The following NARS1 variants were observed in gnomAD, a reference collection of about 807,000 sequenced individuals.
NARS1 encodes the protein asparaginyl-tRNA synthetase 1.
In NARS1, 65 loss-of-function variants were observed where a neutral mutation model predicts 79.2. The observed-to-expected ratio is 0.82, with a 90% CI of 0.67 to 1.01. The LOEUF (loss-of-function observed/expected upper bound fraction) is 1.01. Among genes scored for constraint, NARS1 ranks in the 50% least tolerant of loss-of-function variants. The pLI, the probability that NARS1 is intolerant of heterozygous loss-of-function variation, is 0.00. For synonymous variants in NARS1, 229 were observed against 238.8 expected (o/e 0.96, Z 0.38); for missense variants, 649 against 673.8 (o/e 0.96, Z 0.41).
At chr18:57,604,570 G>A (rs996939507) in intron 11 of NARS1, among the ~76,000 whole-genome samples, 1 of 152,166 alleles carries the variant, frequency 6.6e-6, no homozygotes, top group Non-Finnish European at 1.5e-5. Flanking sequence ...ATGGTTAAAT[G>A]CACAGGAAAG....
Position 57,611,935 on chromosome 18 carries a change from T to C in NARS1, c.422-228A>G, listed in dbSNP as rs573869952. 2.6e-5 allele frequency among the ~76,000 whole-genome samples: 4 copies of C among 151,550 alleles called. No individual in the cohort carries two copies. The South Asian group carries it at 8.4e-4, about 32-fold the overall frequency. Reference sequence around the variant, plus strand: ...ATGCCACCACACCTGGCTAATTATTTTGTAGTGACAAGGGTCTCACTGAGT... The same window carrying C: ...ATGCCACCACACCTGGCTAATTATTCTGTAGTGACAAGGGTCTCACTGAGT... On this transcript the variant is annotated intron_variant, in intron 5 of 13. Coordinates refer to ENST00000256854, the MANE Select transcript of NARS1 (RefSeq NM_004539.4).
intron 2 of NARS1, among the ~76,000 whole-genome samples, chr18:57,619,266 ATTTTTTTTTTT>A (rs57667136): frequency 8.1e-6 from 1 of 123,756 alleles, no homozygotes; most frequent in Non-Finnish European, 1.7e-5. Flanking sequence ...TGCCTGGCTA[ATTTTTTTTTTT>A]TTTTTTTTTT....
At chr18:57,613,508 G>A (rs1243879740) in intron 5 of NARS1, 94 bp downstream of exon 5, 3 of 1,113,380 alleles carry the variant, frequency 2.7e-6, no homozygotes, top group Non-Finnish European at 3.9e-6. Context: ...AAAAGGGGGA[G>A]AGAAAAAAAC....
rs752244684 is a variant in NARS1, at chr18:57,615,854, C to T, written c.215G>A (p.Arg72Lys). The T allele has an allele frequency of 6.2e-7, 1 of 1,613,480 alleles. No homozygotes were observed. The change falls in exon 3 of 14, where the codon AGG becomes AAG. Residue 72 changes from arginine to lysine, a missense_variant. Arg to Lys is a conservative substitution (Grantham distance 26). Transcript: ENST00000256854. ...QLKNIKKMWH[R>K]EQMKSESREK... The stretch of plus-strand genomic sequence containing the variant: ...CCGGGATTCACTCTTCATTTGTTCC[C>T]TATGCCACATCTTTTTAATGTTCTT...
chr18:57,612,787 A>G (rs573934964), intron 5 of NARS1, among the ~76,000 whole-genome samples: 5 of 152,286 alleles, frequency 3.3e-5, no homozygotes, highest in Non-Finnish European at 5.9e-5. Flanking sequence ...AAATAGTAAA[A>G]GTGACATGTT....
At chr18:57,609,240 T>C in intron 7 of NARS1, 117 bp downstream of exon 7, 1 of 759,732 alleles carries the variant, frequency 1.3e-6, no homozygotes, top group Non-Finnish European at 2.2e-6. Context: ...TCTATCCTAC[T>C]AGTTCTGTCC....
At chr18:57,607,393 C>T (rs2051567417) in intron 8 of NARS1, 51 bp downstream of exon 8, 1 of 1,611,392 alleles carries the variant, frequency 6.2e-7, no homozygotes, top group Non-Finnish European at 8.5e-7. Flanking sequence ...ATTCAAGTTT[C>T]AAAACGGCAA....
Position 57,605,970 on chromosome 18 carries a change from T to C in NARS1, c.1138A>G (p.Asn380Asp). 9 of 1,601,068 alleles carry C rather than the reference T, an allele frequency of 5.6e-6. No individual in the cohort carries two copies. The highest frequency in any genetic ancestry group is 6.8e-6 in the Non-Finnish European group (8 of 1,169,922). ...AGSIVHELNPNFQPPKRPFKR... is the reference protein window; with the variant it reads ...AGSIVHELNPDFQPPKRPFKR... Reference sequence around the variant, plus strand: ...AAAGGCCGTTTGGGGGGCTGAAAGTTCTACAGAAGAAAGGAAAAATATAAT... The same window carrying C: ...AAAGGCCGTTTGGGGGGCTGAAAGTCCTACAGAAGAAAGGAAAAATATAAT... Residue 380 changes from asparagine (N) to aspartate (D), a missense_variant and splice_region_variant, in exon 11 of 14, where the codon AAC (asparagine) becomes GAC (aspartate). Asn to Asp is a conservative substitution (Grantham distance 23). Coordinates refer to ENST00000256854, the MANE Select transcript of NARS1 (RefSeq NM_004539.4).
At chr18:57,601,982 T>C (rs1049860886) in intron 13 of NARS1, among the ~76,000 whole-genome samples, 199 bp from the exon 14 acceptor site, 1 of 152,040 alleles carries the variant, frequency 6.6e-6, no homozygotes, top group Non-Finnish European at 1.5e-5. Context: ...AAGAAATAAT[T>C]TGGTATGAAA....
In NARS1 at chr18:57,621,802, C is replaced by A. The variant is rs867578799; in HGVS notation, c.-85G>T. 1.2e-3 allele frequency: 1,905 copies of A among 1,604,726 alleles called. 29 individuals carry two copies. Among genetic ancestry groups the A allele is most frequent in the Middle Eastern group, 6.3e-3 (38 of 6,054 alleles). On this transcript the variant is annotated 5_prime_UTR_variant, in exon 1 of 14. It introduces an in-frame stop codon into an upstream open reading frame of the 5' UTR. Transcript: ENST00000256854. ...GACTCCAACGTGCACCGGCGGTTTC[C>A]GCGATTCCGGCGTTGCATCAGAGAG...
At chr18:57,605,065 C>T (rs1217584961) in intron 11 of NARS1, among the ~76,000 whole-genome samples, 1 of 147,948 alleles carries the variant, frequency 6.8e-6, no homozygotes, top group Non-Finnish European at 1.5e-5. Flanking sequence ...AGTTTTAAAT[C>T]ACTGTTTTGG....
intron 2 of NARS1, among the ~76,000 whole-genome samples, chr18:57,619,589 A>C (rs1371688479): frequency 6.6e-6 from 1 of 152,128 alleles, no homozygotes; most frequent in Non-Finnish European, 1.5e-5. Context: ...AATGGATTCT[A>C]GCATATGAGT....
intron 4 of NARS1, among the ~76,000 whole-genome samples, chr18:57,614,545 C>T: frequency 6.6e-6 from 1 of 152,082 alleles, no homozygotes; most frequent in Admixed American, 6.6e-5. Context: ...TACTGGAAAT[C>T]AAACCATTTT....
intron 2 of NARS1, among the ~76,000 whole-genome samples, chr18:57,616,876 C>T (rs371775403): frequency 2.8e-3 from 388 of 140,184 alleles, no homozygotes; most frequent in African/African-American, 0.01. Context: ...GTGGCGGGCG[C>T]CTGTAGAGCT....
intron 11 of NARS1, among the ~76,000 whole-genome samples, chr18:57,605,132 A>AT (rs1258943112): frequency 0.012 from 1,447 of 122,130 alleles, 22 homozygotes; most frequent in African/African-American, 0.035. Flanking sequence ...AAAAAAAAAA[A>AT]AAATATATAT....
At chr18:57,614,807 TTAA>T (rs2051634212) in intron 4 of NARS1, among the ~76,000 whole-genome samples, 1 of 152,202 alleles carries the variant, frequency 6.6e-6, no homozygotes, top group Non-Finnish European at 1.5e-5. Flanking sequence ...ATGCATTTAC[TTAA>T]CTGTGTAATA....
intron 6 of NARS1, among the ~76,000 whole-genome samples, chr18:57,610,772 G>T (rs2051598542): frequency 6.6e-6 from 1 of 152,128 alleles, no homozygotes; most frequent in African/African-American, 2.4e-5. Context: ...AATGCAAAGA[G>T]AGCAGCAGAG....
chr18:57,612,244 C>A (rs989425717), intron 5 of NARS1, among the ~76,000 whole-genome samples: 8 of 152,162 alleles, frequency 5.3e-5, no homozygotes, highest in Non-Finnish European at 1.0e-4. Context: ...CAGGGGAAAG[C>A]AGGACAGAAG....
intron 6 of NARS1, among the ~76,000 whole-genome samples, chr18:57,610,796 T>C (rs1472939457): frequency 1.3e-5 from 2 of 152,016 alleles, no homozygotes; most frequent in Non-Finnish European, 2.9e-5. Flanking sequence ...TAAAGAAAAT[T>C]TCAAAGTCAT....
Sources: gnomAD v4.1 joint callset for allele counts (sites outside exome capture counted in the v4.1 genomes callset) on GRCh38, gnomAD v4.1.1 for gene constraint, MANE v1.5 for transcripts, NCBI Gene and HGNC (gene_info 2026-07-23, HGNC 2026-07-21) for gene names.